Variants in ANKFN1 observed in about 807,000 individuals in gnomAD.
ANKFN1 encodes the protein ankyrin repeat and fibronectin type III domain containing 1.
In ANKFN1, 74 loss-of-function variants were observed where a neutral mutation model predicts 108.7. That is an observed-to-expected ratio of 0.68 (90% CI 0.56 to 0.83). ANKFN1 has a LOEUF of 0.83. Ranked by LOEUF, ANKFN1 falls within the 40% of genes least tolerant of loss-of-function variation. The pLI is 0.00. For missense variants in ANKFN1, 1,505 were observed against 1,382.3 expected, an observed-to-expected ratio of 1.09 and a Z score of -1.41; for synonymous variants, 547 against 516.2, an observed-to-expected ratio of 1.06 and a Z score of -0.81.
chr17:56,229,357 A>G (rs1358189702), intron 3 of ANKFN1, among the ~76,000 whole-genome samples: 1 of 152,014 alleles, frequency 6.6e-6, no homozygotes, highest in African/African-American at 2.4e-5. Flanking sequence ...TTAACTTTTG[A>G]CTGTATTATT....
rs190578447 is a variant in ANKFN1 at position 56,404,314 on chromosome 17, G to C, written c.910+29600G>C. ...GGAACACCGATTATTCTTAGGTTTG[G>C]TCATTTAACATAATCCCAGACTTCT... On this transcript the variant is annotated intron_variant, in intron 8 of 20. Coordinates refer to ENST00000682825, the MANE Select transcript of ANKFN1 (RefSeq NM_001370326.1). Among the ~76,000 whole-genome samples, 141 of 152,120 alleles carry C rather than the reference G, an allele frequency of 9.3e-4. 2 individuals are homozygous for C. The highest frequency in any genetic ancestry group is 3.0e-3 in the African/African-American group (124 of 41,510).
At chr17:56,125,782 A>C (rs1033771186) in intron 4 of ANKFN1, among the ~76,000 whole-genome samples, 3 of 152,222 alleles carry the variant, frequency 2.0e-5, no homozygotes, top group Non-Finnish European at 2.9e-5. Context: ...GTAGAGATGG[A>C]AATGCTCCAG....
At chr17:56,459,554 A>G (rs1291039720) in intron 14 of ANKFN1, among the ~76,000 whole-genome samples, 1 of 152,058 alleles carries the variant, frequency 6.6e-6, no homozygotes, top group African/African-American at 2.4e-5. Context: ...TGCACCTCAC[A>G]CTACTCTTTC....
upstream of ANKFN1, among the ~76,000 whole-genome samples, chr17:56,152,434 T>G (rs571512146): frequency 2.6e-5 from 4 of 152,162 alleles, no homozygotes; most frequent in Admixed American, 2.0e-4. Context: ...TATTGTATAG[T>G]AGCAGCAACA....
intron 8 of ANKFN1, among the ~76,000 whole-genome samples, chr17:56,410,219 G>A (rs1167039690): frequency 6.6e-6 from 1 of 152,128 alleles, no homozygotes; most frequent in Admixed American, 6.5e-5. Context: ...GGGACTACAG[G>A]CATGTGCCAC....
At chr17:56,342,128 A>C (rs2045975304) in intron 4 of ANKFN1, among the ~76,000 whole-genome samples, 1 of 151,364 alleles carries the variant, frequency 6.6e-6, no homozygotes, top group African/African-American at 2.4e-5. Flanking sequence ...AGTTGTTTGT[A>C]TTTCTGTGGA....
At chr17:56,255,653 G>T (rs898622289) in intron 3 of ANKFN1, among the ~76,000 whole-genome samples, 1 of 152,174 alleles carries the variant, frequency 6.6e-6, no homozygotes, top group Non-Finnish European at 1.5e-5. Context: ...GGTCAGTGTG[G>T]CAGTGTAACC....
intron 3 of ANKFN1, among the ~76,000 whole-genome samples, chr17:56,239,374 A>G (rs1031531792): frequency 2.0e-5 from 3 of 152,152 alleles, no homozygotes; most frequent in Admixed American, 6.6e-5. Context: ...CAACATAGCC[A>G]TAAGCTAACA....
At chr17:56,056,385 A>C (rs1183111845) in intron 4 of ANKFN1, among the ~76,000 whole-genome samples, 2 of 151,988 alleles carry the variant, frequency 1.3e-5, no homozygotes, top group Non-Finnish European at 2.9e-5. Flanking sequence ...GCAAAAAAAA[A>C]AAAAAGCCAG....
At chr17:56,269,789 G>T (rs2043745600) in intron 3 of ANKFN1, among the ~76,000 whole-genome samples, 1 of 152,216 alleles carries the variant, frequency 6.6e-6, no homozygotes, top group Non-Finnish European at 1.5e-5. Flanking sequence ...GGGGATGAAA[G>T]AAATTAGAGT....
At chr17:56,368,241 A>G in intron 6 of ANKFN1, 1 of 898,200 alleles carries the variant, frequency 1.1e-6, no homozygotes, top group Non-Finnish European at 1.5e-6. Context: ...GGTATAAAAC[A>G]CCATGAAAAC....
intron 6 of ANKFN1, among the ~76,000 whole-genome samples, chr17:56,360,295 A>G (rs1480981247): frequency 6.6e-6 from 1 of 152,056 alleles, no homozygotes; most frequent in African/African-American, 2.4e-5. Flanking sequence ...TATTCCATCT[A>G]CTTGGAATGC....
At chr17:56,319,642 T>C (rs2045307861) in intron 3 of ANKFN1, among the ~76,000 whole-genome samples, 1 of 152,156 alleles carries the variant, frequency 6.6e-6, no homozygotes, top group South Asian at 2.1e-4. Context: ...CCAAATCTAG[T>C]GCATCAAAGA....
chr17:56,114,905 G>A (rs1307074209), intron 4 of ANKFN1, among the ~76,000 whole-genome samples: 1 of 152,200 alleles, frequency 6.6e-6, no homozygotes, highest in Non-Finnish European at 1.5e-5. Context: ...TGCTGGCTTT[G>A]AAGATGGAGG....
At chr17:56,103,708 G>T (rs1374994081) in intron 4 of ANKFN1, among the ~76,000 whole-genome samples, 1 of 152,190 alleles carries the variant, frequency 6.6e-6, no homozygotes, top group Non-Finnish European at 1.5e-5. Context: ...AACAGATCTT[G>T]CTCCCAGAGT....
chr17:56,062,529 T>G (rs975673835), intron 4 of ANKFN1, among the ~76,000 whole-genome samples: 1 of 151,900 alleles, frequency 6.6e-6, no homozygotes, highest in African/African-American at 2.4e-5. Context: ...TCAAAGTCTT[T>G]TTTGTCAGAG....
chr17:56,301,594 C>A (rs769825465), intron 3 of ANKFN1, among the ~76,000 whole-genome samples: 1 of 152,176 alleles, frequency 6.6e-6, no homozygotes, highest in Non-Finnish European at 1.5e-5. Flanking sequence ...AATCAAAGAA[C>A]GTCCTGGTGG....
chr17:56,316,782 T>C (rs1409109587), intron 3 of ANKFN1, among the ~76,000 whole-genome samples: 3 of 152,146 alleles, frequency 2.0e-5, no homozygotes, highest in Non-Finnish European at 4.4e-5. Flanking sequence ...CACCACCCAC[T>C]GAGTGGGGCC....
chr17:56,410,657 G>T (rs1445338011), intron 8 of ANKFN1, among the ~76,000 whole-genome samples: 2 of 152,052 alleles, frequency 1.3e-5, no homozygotes, highest in Non-Finnish European at 2.9e-5. Flanking sequence ...CCAAAGCTTT[G>T]CATCCTTTGA....
Sources: gnomAD v4.1 joint callset for allele counts (sites outside exome capture counted in the v4.1 genomes callset) on GRCh38, gnomAD v4.1.1 for gene constraint, MANE v1.5 for transcripts, NCBI Gene and HGNC (gene_info 2026-07-23, HGNC 2026-07-21) for gene names.